The following CCNT2 variants were observed in gnomAD, a reference collection of about 807,000 sequenced individuals.
CCNT2 encodes the protein cyclin T2.
CCNT2 carries 18 observed loss-of-function variants against 70.0 expected under a neutral mutation model. The ratio of observed to expected loss-of-function variants is 0.26; its 90% CI spans 0.18 to 0.38. CCNT2 has a LOEUF of 0.38. CCNT2 is among the 10% of genes least tolerant of loss of function. The pLI is 1.00. For missense variants in CCNT2, 734 were observed against 890.2 expected, an observed-to-expected ratio of 0.82 and a Z score of 2.23; for synonymous variants, 334 against 313.3, an observed-to-expected ratio of 1.07 and a Z score of -0.70.
chr2:134,929,320 T>C (rs1680546237), intron 2 of CCNT2, among the ~76,000 whole-genome samples: 1 of 152,102 alleles, frequency 6.6e-6, no homozygotes, highest in Admixed American at 6.5e-5. Flanking sequence ...TCTATGGAGA[T>C]CTGGCCAGGC....
chr2:134,923,421 T>C (rs1288882802), intron 2 of CCNT2, among the ~76,000 whole-genome samples: 2 of 152,256 alleles, frequency 1.3e-5, no homozygotes. Context: ...CAGGTGTTTA[T>C]AGCTTACTTC....
chr2:134,954,120 C>G lies in CCNT2; in HGVS notation c.1665C>G (p.Asp555Glu), dbSNP rs1354282774. 6.2e-7 allele frequency: 1 copy of G among 1,614,110 alleles called. No individual in the cohort carries two copies. Among genetic ancestry groups the G allele is most frequent in the Admixed American group, 1.7e-5 (1 of 60,016 alleles). ...ATTCAAGCCCACATATTAGCAGAGA[C>G]CATAAGGAGAAGCACAAGGAGCATC... ...SKHSSPHISR[D>E]HKEKHKEHPS... Residue 555 changes from aspartate (D) to glutamate (E), a missense_variant, in exon 9 of 9, where the codon GAC (aspartate) becomes GAG (glutamate). Coordinates refer to ENST00000264157, the MANE Select transcript of CCNT2 (RefSeq NM_058241.3).
intron 2 of CCNT2, among the ~76,000 whole-genome samples, chr2:134,920,773 T>C (rs918177251): frequency 2.0e-5 from 3 of 152,214 alleles, no homozygotes; most frequent in Admixed American, 6.5e-5. Context: ...AAGAAGACTT[T>C]CTGCTATTTG....
chr2:134,935,328 G>A (rs999060415), intron 2 of CCNT2, among the ~76,000 whole-genome samples: 2 of 152,288 alleles, frequency 1.3e-5, no homozygotes, highest in East Asian at 1.9e-4. Context: ...TTTACCAGAA[G>A]GAAAACTTCT....
chr2:134,930,268 A>C (rs1218757440), intron 2 of CCNT2, among the ~76,000 whole-genome samples: 1 of 152,196 alleles, frequency 6.6e-6, no homozygotes, highest in South Asian at 2.1e-4. Context: ...TTCACGAAGC[A>C]TGTTTTCAAG....
At chr2:134,952,392 T>G (rs972267648) in intron 7 of CCNT2, among the ~76,000 whole-genome samples, 1 of 152,058 alleles carries the variant, frequency 6.6e-6, no homozygotes, top group African/African-American at 2.4e-5. Context: ...TTATTTTTAA[T>G]GCTACTAGAT....
In CCNT2 at chr2:134,954,225, T is replaced by A; in HGVS notation, c.1770T>A (p.Ser590Arg). ...GCAGCAGCGGTGGCAGTAAACACAGTGCCGACGGAATACCACCCACTGTTC... is the reference window on the plus strand; with the variant it reads ...GCAGCAGCGGTGGCAGTAAACACAGAGCCGACGGAATACCACCCACTGTTC... ...SGSSSGGSKH[S>R]ADGIPPTVLR... Residue 590 changes from serine (S) to arginine (R), a missense_variant, in exon 9 of 9, where the codon AGT (serine) becomes AGA (arginine). By Grantham distance (110) the Ser-to-Arg change is moderately radical. This residue lies in a region of CCNT2 where 532 missense variants were observed against 556.9 expected (regional missense o/e 0.96). Transcript: ENST00000264157. The A allele has an allele frequency of 6.2e-7, 1 of 1,614,090 alleles. No homozygotes were observed. The highest frequency in any genetic ancestry group is 8.5e-7 in the Non-Finnish European group (1 of 1,180,000).
chr2:134,935,589 A>C (rs1420466891), intron 2 of CCNT2, among the ~76,000 whole-genome samples: 1 of 152,212 alleles, frequency 6.6e-6, no homozygotes, highest in African/African-American at 2.4e-5. Context: ...TGGGTACTCA[A>C]ATCTTGACAT....
intron 7 of CCNT2, among the ~76,000 whole-genome samples, chr2:134,951,777 T>C (rs912742340): frequency 6.6e-6 from 1 of 152,200 alleles, no homozygotes; most frequent in Non-Finnish European, 1.5e-5. Context: ...TAACAATATA[T>C]GATTATCAAA....
At chr2:134,940,408 TTTATC>T (rs1681490865) in intron 4 of CCNT2, among the ~76,000 whole-genome samples, 1 of 152,186 alleles carries the variant, frequency 6.6e-6, no homozygotes, top group African/African-American at 2.4e-5. Flanking sequence ...ATTAGTCTAT[TTTATC>T]ATTTACTGCC....
intron 8 of CCNT2, 96 bp downstream of exon 8, chr2:134,952,807 A>G (rs1299789013): frequency 1.2e-6 from 1 of 865,910 alleles, no homozygotes; most frequent in Non-Finnish European, 1.9e-6. Context: ...TAATCTTTGC[A>G]GTATTCCTGA....
chr2:134,944,715 C>G lies in CCNT2; in HGVS notation c.494-1386C>G, dbSNP rs1247341153. 5.1e-6 allele frequency: 5 copies of G among 983,526 alleles called. No homozygotes were observed. In the East Asian group the frequency reaches 4.5e-4, roughly 89 times the overall value. 60.9% of individuals were successfully genotyped at this position (983,526 alleles called of 1,614,324 possible). A position where few individuals can be genotyped will look rare whatever the true frequency, so the allele number is the denominator to read the frequency against. On this transcript the variant is annotated intron_variant, in intron 5 of 8. Transcript: ENST00000264157. ...CATTTCAGGTAACTAGAATATATCT[C>G]ACTCCATTTTAAAAGTACTGTTTCA...
intron 2 of CCNT2, among the ~76,000 whole-genome samples, chr2:134,933,623 G>A (rs1338424700): frequency 6.6e-6 from 1 of 152,186 alleles, no homozygotes; most frequent in Non-Finnish European, 1.5e-5. Context: ...TAAATTCAGT[G>A]TTTGGATATG....
chr2:134,951,556 A>G (rs902856478), intron 7 of CCNT2, among the ~76,000 whole-genome samples: 1 of 152,142 alleles, frequency 6.6e-6, no homozygotes, highest in Non-Finnish European at 1.5e-5. Context: ...CTTTAAAAAA[A>G]AAGTCTGGGT....
chr2:134,949,585 TG>T (rs1172842427), intron 7 of CCNT2, among the ~76,000 whole-genome samples: 1 of 152,202 alleles, frequency 6.6e-6, no homozygotes, highest in African/African-American at 2.4e-5. Context: ...ATATATCTCA[TG>T]CTGTATTATT....
At chr2:134,946,848 A>T (rs183174571) in intron 6 of CCNT2, among the ~76,000 whole-genome samples, 122 of 152,316 alleles carry the variant, frequency 8.0e-4, no homozygotes, top group African/African-American at 2.9e-3. Context: ...TTTATTAATG[A>T]TTTAAATTTG....
In CCNT2 at chr2:134,950,348, CTG is replaced by C. The variant is rs72375309; in HGVS notation, c.704-2289_704-2288del. 8.9e-3 allele frequency among the ~76,000 whole-genome samples: 1,357 copies of C among 152,046 alleles called. 10 individuals are homozygous for C. The highest frequency in any genetic ancestry group is 0.014 in the Non-Finnish European group (964 of 67,978). On this transcript the variant is annotated intron_variant, in intron 7 of 8. Transcript: ENST00000264157. Reference sequence around the variant, plus strand: ...CCATGTTTTGCAGCAGCTTTTTTTTCTGTGTCAGTCACAAAAAGGCAATTCAA... The same window carrying C: ...CCATGTTTTGCAGCAGCTTTTTTTTCTGTCAGTCACAAAAAGGCAATTCAA...
intron 4 of CCNT2, among the ~76,000 whole-genome samples, chr2:134,939,631 A>G (rs2105055815): frequency 6.6e-6 from 1 of 151,824 alleles, no homozygotes; most frequent in Non-Finnish European, 1.5e-5. Flanking sequence ...ACACCTGGTT[A>G]TTTTTTTGTA....
At chr2:134,937,217 T>C (rs1681219002) in intron 3 of CCNT2, among the ~76,000 whole-genome samples, 2 of 152,232 alleles carry the variant, frequency 1.3e-5, no homozygotes, top group South Asian at 2.1e-4. Flanking sequence ...AAAGATACTT[T>C]TGTTTCATAT....
Sources: allele counts gnomAD v4.1 joint callset (sites outside exome capture counted in the v4.1 genomes callset), GRCh38; gene constraint gnomAD v4.1.1; regional missense constraint gnomAD v4.1.1; transcripts MANE v1.5; gene names NCBI Gene and HGNC (gene_info 2026-07-23, HGNC 2026-07-21).